SCARB1: variants seen among roughly 807,000 people sequenced by gnomAD.
SCARB1 encodes CD36 and LIMPII analogous 1.
Under a neutral mutation model 57.2 loss-of-function variants are expected in SCARB1, and 30 were observed. The observed-to-expected ratio is 0.52, with a 90% CI of 0.39 to 0.71. The LOEUF (loss-of-function observed/expected upper bound fraction) is 0.71, where lower values mean the gene tolerates loss of function less well. Among genes scored for constraint, SCARB1 ranks in the 30% least tolerant of loss-of-function variants. The pLI, the probability that SCARB1 is intolerant of heterozygous loss-of-function variation, is 0.00. For synonymous variants in SCARB1, 249 were observed against 268.3 expected (o/e 0.93, Z 0.70); for missense variants, 543 against 671.2 (o/e 0.81, Z 2.11).
At position 124,822,026 on chromosome 12, in the gene SCARB1, C is replaced by T. The variant is rs117357660; in HGVS notation, c.127-4319G>A. Among the ~76,000 whole-genome samples, 1,167 of 152,250 alleles carry T rather than the reference C, an allele frequency of 7.7e-3. 16 individuals are homozygous for T. Among genetic ancestry groups the T allele is most frequent in the Admixed American group, 0.017 (260 of 15,292 alleles). ...AATGCCAAGGTGAGCCCTTGTTGGA[C>T]GCCACTCCCTCCCATCTGGCGAAAT... On this transcript the variant is annotated intron_variant, in intron 1 of 12. Transcript: ENST00000261693. The surrounding 1 kb of genome is among the most constrained non-coding windows in gnomAD (Gnocchi z 5.0).
At chr12:124,816,625 C>T (rs1420728657) in intron 2 of SCARB1, among the ~76,000 whole-genome samples, 1 of 152,100 alleles carries the variant, frequency 6.6e-6, no homozygotes, top group African/African-American at 2.4e-5. Context: ...CCTGGAACAC[C>T]GTGTGCCGGG....
chr12:124,849,815 C>G (rs746658686), intron 1 of SCARB1, among the ~76,000 whole-genome samples: 2 of 152,142 alleles, frequency 1.3e-5, no homozygotes, highest in Non-Finnish European at 2.9e-5. Flanking sequence ...GTAATCCCAG[C>G]ACTTTGGAAG....
chr12:124,863,562 G>T (rs375957040), intron 1 of SCARB1, 33 bp downstream of exon 1: 11 of 1,592,150 alleles, frequency 6.9e-6, no homozygotes, highest in Middle Eastern at 1.7e-4. Flanking sequence ...GCCCGGGTCC[G>T]TGCGCGGACC....
At chr12:124,853,013 GAA>G (rs1259326057) in intron 1 of SCARB1, among the ~76,000 whole-genome samples, 3 of 152,214 alleles carry the variant, frequency 2.0e-5, no homozygotes, top group Non-Finnish European at 4.4e-5. Context: ...CCCTCCAGCT[GAA>G]AAACCACACA....
chr12:124,809,241 C>T (rs545268239), intron 6 of SCARB1, among the ~76,000 whole-genome samples: 2 of 151,904 alleles, frequency 1.3e-5, no homozygotes, highest in Admixed American at 6.6e-5. Context: ...GAAGGGGAGA[C>T]GGGGGCCACT....
In SCARB1 at chr12:124,862,707, A is replaced by T. The variant is rs556643874; in HGVS notation, c.126+888T>A. ...ATGTGTGGGTTCCCAGGGCTTCAAA[A>T]CTCTAAATGGCTTTTAGTTCAAATG... On this transcript the variant is annotated intron_variant, in intron 1 of 12. Transcript: ENST00000261693. Among the ~76,000 whole-genome samples the T allele has an allele frequency of 1.9e-4, 29 of 151,846 alleles. No individual in the cohort carries two copies. The East Asian group carries it at 4.3e-3, about 22-fold the overall frequency.
Position 124,787,464 on chromosome 12 carries a change from A to G in SCARB1, c.1203-7T>C, listed in dbSNP as rs1284860533. On this transcript the variant is annotated splice_region_variant and splice_polypyrimidine_tract_variant and intron_variant, in intron 9 of 12. Coordinates refer to ENST00000261693, the MANE Select transcript of SCARB1 (RefSeq NM_005505.5). The stretch of plus-strand genomic sequence containing the variant: ...CTCAATCTTCCCAGTTTGTCTGGAA[A>G]TAAGCAAGACATAGCTGTGTGAAAC... 6.2e-7 allele frequency: 1 copy of G among 1,612,844 alleles called. No individual in the cohort carries two copies. The highest frequency in any genetic ancestry group is 1.3e-5 in the African/African-American group (1 of 74,920).
chr12:124,843,400 C>T (rs1363324300), intron 1 of SCARB1, among the ~76,000 whole-genome samples: 4 of 152,070 alleles, frequency 2.6e-5, no homozygotes, highest in East Asian at 1.9e-4. Context: ...TGAGCCACTG[C>T]GCCTGGCCTT....
In SCARB1 at chr12:124,821,457, G is replaced by A. The variant is rs574630603; in HGVS notation, c.127-3750C>T. On this transcript the variant is annotated intron_variant, in intron 1 of 12. Coordinates refer to ENST00000261693, the MANE Select transcript of SCARB1 (RefSeq NM_005505.5). ...GCTAAACCAAGAAGTCATGGGATCC[G>A]GCCGCGTGTCCATGTCTCAATCTCT... 160 of 984,758 alleles carry A rather than the reference G, an allele frequency of 1.6e-4. No individual in the cohort carries two copies. The African/African-American group carries it at 2.4e-3, about 15-fold the overall frequency. The allele number at this position is 984,758 out of a possible 1,614,324, so 61.0% of individuals were successfully genotyped here.
At chr12:124,823,120 C>T (rs983715857) in intron 1 of SCARB1, among the ~76,000 whole-genome samples, 2 of 152,110 alleles carry the variant, frequency 1.3e-5, no homozygotes, top group Non-Finnish European at 2.9e-5. Flanking sequence ...GAACAGGGGT[C>T]ACCTGGGAGG....
chr12:124,807,398 CAG>C lies in SCARB1; in HGVS notation c.1009+361_1009+362del, dbSNP rs1950358996. On this transcript the variant is annotated intron_variant, in intron 7 of 12. Transcript: ENST00000261693. The surrounding 1 kb of genome is among the most constrained non-coding windows in gnomAD (Gnocchi z 5.3). ...GGAAGGGCCCGGGAGCCAAGAAACACAGAGGGGCCTCTGGAAGCCAGAAAAGG... is the reference window on the plus strand; with the variant it reads ...GGAAGGGCCCGGGAGCCAAGAAACACAGGGGCCTCTGGAAGCCAGAAAAGG... Among the ~76,000 whole-genome samples the C allele has an allele frequency of 6.6e-6, 1 of 152,102 alleles. No individual in the cohort carries two copies. Among genetic ancestry groups the C allele is most frequent in the African/African-American group, 2.4e-5 (1 of 41,424 alleles).
chr12:124,834,234 A>G (rs2135754778), intron 1 of SCARB1, among the ~76,000 whole-genome samples: 1 of 152,358 alleles, frequency 6.6e-6, no homozygotes. Flanking sequence ...CACGGGACAC[A>G]CGGGGGGACA....
Position 124,814,873 on chromosome 12 carries a change from GAC to G in SCARB1, c.426+98_426+99del. 1 of 1,508,056 alleles carries G rather than the reference GAC, an allele frequency of 6.6e-7. No homozygotes were observed. Among genetic ancestry groups the G allele is most frequent in the Non-Finnish European group, 9.1e-7 (1 of 1,096,910 alleles). 93.4% of individuals were successfully genotyped at this position (1,508,056 alleles called of 1,614,324 possible). On this transcript the variant is annotated intron_variant, in intron 3 of 12. Coordinates refer to ENST00000261693, the MANE Select transcript of SCARB1 (RefSeq NM_005505.5). The surrounding 1 kb of genome is among the most constrained non-coding windows in gnomAD (Gnocchi z 4.7). ...CACCAGGCGTGAGTCCCCACGCTCCGACCACCTCAGGGACTGCTCTCTGCACA... is the reference window on the plus strand; with the variant it reads ...CACCAGGCGTGAGTCCCCACGCTCCGCACCTCAGGGACTGCTCTCTGCACA...
intron 9 of SCARB1, among the ~76,000 whole-genome samples, chr12:124,793,391 C>T (rs1352963817): frequency 1.4e-5 from 2 of 147,070 alleles, no homozygotes; most frequent in African/African-American, 5.1e-5. Flanking sequence ...CCCTGCTGCA[C>T]TGCTGCTAAG....
intron 10 of SCARB1, among the ~76,000 whole-genome samples, chr12:124,786,864 C>G (rs1949544841): frequency 6.6e-6 from 1 of 152,222 alleles, no homozygotes; most frequent in Admixed American, 6.5e-5. Flanking sequence ...AGAGCTCTGC[C>G]TCCCCATCAA....
Position 124,782,806 on chromosome 12 carries a change from T to G in SCARB1, c.1407A>C (p.Lys469Asn), listed in dbSNP as rs772988886. Residue 469 changes from lysine (K) to asparagine (N), a missense_variant, in exon 12 of 13, where the codon AAA becomes AAC. Physicochemically the swap from Lys to Asn is moderately conservative, Grantham distance 94. Coordinates refer to ENST00000261693, the MANE Select transcript of SCARB1 (RefSeq NM_005505.5). ...PVICQIRSQE[K>N]CYLFWSSSKK... is the part of the protein sequence containing the mutation. ...TACTACTACTCCAAAATAAATAGCA[T>G]TTCTCCTAGAAGATAACCAAGCTAA... 3 of 1,614,062 alleles carry G rather than the reference T, an allele frequency of 1.9e-6. No individual in the cohort carries two copies. In the Admixed American group the frequency reaches 5.0e-5, roughly 27 times the overall value.
chr12:124,808,369 C>A (rs1950397980), intron 6 of SCARB1, among the ~76,000 whole-genome samples: 1 of 152,098 alleles, frequency 6.6e-6, no homozygotes, highest in Non-Finnish European at 1.5e-5. Flanking sequence ...AATCTGTGAC[C>A]CTTTCTAGTC....
rs1271082137 is a variant in SCARB1, at chr12:124,817,256, G to A, written c.284+294C>T. ...CTCTCTAGGCAACGTCTGGTGATTC[G>A]CACCTGTAATCCCAGCACTTTGAGA... On this transcript the variant is annotated intron_variant, in intron 2 of 12. Coordinates refer to ENST00000261693, the MANE Select transcript of SCARB1 (RefSeq NM_005505.5). The surrounding 1 kb of genome is among the most constrained non-coding windows in gnomAD (Gnocchi z 4.8). Among the ~76,000 whole-genome samples, 1 of 146,446 alleles carries A rather than the reference G, an allele frequency of 6.8e-6. No homozygotes were observed. Among genetic ancestry groups the A allele is most frequent in the African/African-American group, 2.6e-5 (1 of 39,176 alleles).
chr12:124,841,240 C>T (rs1046342124), intron 1 of SCARB1, among the ~76,000 whole-genome samples: 1 of 152,044 alleles, frequency 6.6e-6, no homozygotes, highest in South Asian at 2.1e-4. Context: ...GGCGTGGTGG[C>T]GGGCGCCTGT....
Sources: gnomAD v4.1 joint callset for allele counts (sites outside exome capture counted in the v4.1 genomes callset) on GRCh38, gnomAD v4.1.1 for gene constraint, Gnocchi (gnomAD v3.1) non-coding constraint, MANE v1.5 for transcripts, NCBI Gene and HGNC (gene_info 2026-07-23, HGNC 2026-07-21) for gene names.